The following MME variants were observed in gnomAD, a reference collection of about 807,000 sequenced individuals.
MME encodes neprilysin.
Under a neutral mutation model 113.2 loss-of-function variants are expected in MME, and 98 were observed. That is an observed-to-expected ratio of 0.87 (90% CI 0.74 to 1.02). The LOEUF (loss-of-function observed/expected upper bound fraction) is 1.02, where lower values mean the gene tolerates loss of function less well. MME is among the 50% of genes least tolerant of loss of function. The pLI, the probability that MME is intolerant of heterozygous loss-of-function variation, is 0.00. For missense variants in MME, 836 were observed against 896.0 expected (o/e 0.93, Z 0.86); for synonymous variants, 292 against 300.6 (o/e 0.97, Z 0.30).
intron 16 of MME, among the ~76,000 whole-genome samples, chr3:155,149,530 T>C (rs889138734): frequency 2.0e-5 from 3 of 152,198 alleles, no homozygotes; most frequent in African/African-American, 7.2e-5. Context: ...TTCATGCATT[T>C]ATTAACATTT....
intron 3 of MME, among the ~76,000 whole-genome samples, chr3:155,087,006 T>TTG (rs1553754237): frequency 2.8e-4 from 22 of 79,616 alleles, no homozygotes; most frequent in African/African-American, 1.2e-3. Flanking sequence ...TTTTTTTTTG[T>TTG]TTTTTTTTTT....
chr3:155,034,502 G>A lies in MME; in HGVS notation c.-11+10178G>A, dbSNP rs530810384. 1.1e-4 allele frequency among the ~76,000 whole-genome samples: 17 copies of A among 152,276 alleles called. No homozygotes were observed. The South Asian group carries it at 3.5e-3, about 32-fold the overall frequency. ...TGCAGTCTGTCTAACTTTAGAAGAG[G>A]TACAGAGCCTTATTAACAAGGAAGA... On this transcript the variant is annotated intron_variant, in intron 1 of 22. Coordinates refer to the MME transcript ENST00000492661.
chr3:155,087,442 A>G (rs1157319723), intron 3 of MME, among the ~76,000 whole-genome samples: 1 of 152,094 alleles, frequency 6.6e-6, no homozygotes, highest in Non-Finnish European at 1.5e-5. Context: ...ATGGCTGCAC[A>G]GGTACCTTGG....
chr3:155,149,294 C>T (rs1343273879), intron 16 of MME, among the ~76,000 whole-genome samples: 1 of 152,012 alleles, frequency 6.6e-6, no homozygotes, highest in Non-Finnish European at 1.5e-5. Flanking sequence ...TTCCTAGAAC[C>T]ACTTATGTTG....
intron 8 of MME, among the ~76,000 whole-genome samples, chr3:155,119,662 G>T (rs1718947287): frequency 6.6e-6 from 1 of 150,520 alleles, no homozygotes; most frequent in South Asian, 2.1e-4. Flanking sequence ...GTGAGAATAT[G>T]CGGTGTTTGG....
intron 9 of MME, among the ~76,000 whole-genome samples, chr3:155,138,913 T>C (rs1576632694): frequency 6.6e-6 from 1 of 152,164 alleles, no homozygotes; most frequent in East Asian, 1.9e-4. Context: ...ATTAAACCCA[T>C]CGTCAGAGTC....
chr3:155,059,925 T>C (rs938325743), intron 1 of MME, among the ~76,000 whole-genome samples: 7 of 152,072 alleles, frequency 4.6e-5, no homozygotes, highest in Non-Finnish European at 1.0e-4. Flanking sequence ...AATATGAGAA[T>C]TCGGTACAAG....
chr3:155,169,864 A>G (rs770893552), intron 20 of MME, among the ~76,000 whole-genome samples: 3 of 152,112 alleles, frequency 2.0e-5, no homozygotes, highest in African/African-American at 4.8e-5. Context: ...GAAGTGGAGA[A>G]AGAGGTGACT....
intron 1 of MME, among the ~76,000 whole-genome samples, chr3:155,043,724 T>A (rs916333915): frequency 2.0e-5 from 3 of 152,184 alleles, no homozygotes; most frequent in Admixed American, 1.3e-4. Flanking sequence ...TTTTATTATG[T>A]TTCCTATATA....
chr3:155,116,425 C>G, intron 4 of MME, 54 bp from the exon 5 acceptor site: 1 of 1,257,948 alleles, frequency 7.9e-7, no homozygotes, highest in Non-Finnish European at 1.2e-6. Flanking sequence ...ATTATGTTTG[C>G]ATAGTGCAAA....
At chr3:155,131,731 G>A (rs532547101) in intron 8 of MME, among the ~76,000 whole-genome samples, 19 of 152,178 alleles carry the variant, frequency 1.2e-4, no homozygotes, top group Admixed American at 7.2e-4. Flanking sequence ...CTGCTCTAGC[G>A]TCCTGCTCCA....
intron 8 of MME, among the ~76,000 whole-genome samples, chr3:155,124,114 A>G (rs1464610624): frequency 1.4e-5 from 2 of 145,920 alleles, no homozygotes; most frequent in Non-Finnish European, 3.0e-5. Context: ...GGCTTTGCTC[A>G]TTTCTTTTTA....
At chr3:155,106,840 T>C (rs1421304459) in intron 3 of MME, among the ~76,000 whole-genome samples, 1 of 152,220 alleles carries the variant, frequency 6.6e-6, no homozygotes, top group Non-Finnish European at 1.5e-5. Context: ...CTAAGGTCTT[T>C]ACAAAAGAGC....
chr3:155,160,146 G>A (rs578022830), intron 16 of MME, among the ~76,000 whole-genome samples: 24 of 152,036 alleles, frequency 1.6e-4, no homozygotes, highest in African/African-American at 5.3e-4. Context: ...AACATCAGAG[G>A]CCTCCATAAA....
intron 22 of MME, among the ~76,000 whole-genome samples, 176 bp from the exon 23 acceptor site, chr3:155,180,184 C>T (rs946059127): frequency 6.6e-6 from 1 of 152,204 alleles, no homozygotes; most frequent in Non-Finnish European, 1.5e-5. Context: ...GTTACTTCTC[C>T]ATTTAAAAAT....
chr3:155,151,423 T>C (rs1314032534), intron 16 of MME, among the ~76,000 whole-genome samples: 1 of 152,268 alleles, frequency 6.6e-6, no homozygotes, highest in East Asian at 1.9e-4. Flanking sequence ...TTCTAGACAC[T>C]TTTTTCCCCC....
intron 3 of MME, among the ~76,000 whole-genome samples, chr3:155,102,633 A>G (rs535936228): frequency 7.9e-5 from 12 of 152,340 alleles, no homozygotes; most frequent in African/African-American, 2.2e-4. Flanking sequence ...AGCCAGAACC[A>G]TAAAGACAGC....
At chr3:155,160,301 C>A in intron 16 of MME, 89 bp from the exon 17 acceptor site, 1 of 903,866 alleles carries the variant, frequency 1.1e-6, no homozygotes. Flanking sequence ...TAAGATTCAT[C>A]TAGGAATGGT....
At chr3:155,057,279 G>C (rs1713964884) in intron 1 of MME, among the ~76,000 whole-genome samples, 1 of 152,060 alleles carries the variant, frequency 6.6e-6, no homozygotes, top group Admixed American at 6.6e-5. Context: ...ATCAAAAAGT[G>C]GGCAAAGAAC....
Sources: gnomAD v4.1 joint callset for allele counts (sites outside exome capture counted in the v4.1 genomes callset) on GRCh38, gnomAD v4.1.1 for gene constraint, MANE v1.5 for transcripts, NCBI Gene and HGNC (gene_info 2026-07-23, HGNC 2026-07-21) for gene names.